The following MAN2A1 variants were observed in gnomAD, a reference collection of about 807,000 sequenced individuals.
The protein encoded by MAN2A1 is alpha-mannosidase 2.
MAN2A1 carries 76 observed loss-of-function variants against 142.6 expected under a neutral mutation model. The ratio of observed to expected loss-of-function variants is 0.53; its 90% CI spans 0.44 to 0.65. MAN2A1 has a LOEUF of 0.65. Among genes scored for constraint, MAN2A1 ranks in the 30% least tolerant of loss-of-function variants. The probability of loss-of-function intolerance (pLI) is 0.00; values close to 1 mark genes in which losing one functional copy is unlikely to be tolerated. For missense variants in MAN2A1, 1,311 were observed against 1,365.1 expected (o/e 0.96, Z 0.62); for synonymous variants, 559 against 473.2 (o/e 1.18, Z -2.35).
At chr5:109,840,117 A>C (rs1561538327) in intron 16 of MAN2A1, 1 of 185,392 alleles carries the variant, frequency 5.4e-6, no homozygotes, top group Non-Finnish European at 1.1e-5. Flanking sequence ...TTGAACAAGT[A>C]GCCAGAAATC....
chr5:109,773,950 T>C lies in MAN2A1; in HGVS notation c.1197-838T>C, dbSNP rs574626774. Among the ~76,000 whole-genome samples the C allele has an allele frequency of 2.0e-5, 3 of 152,330 alleles. No individual in the cohort carries two copies. The South Asian group carries it at 6.2e-4, about 32-fold the overall frequency. ...ACTGCTTTGGGTTCATCCACTTGTA[T>C]AATTTCATTTTCACAAGCCCTTTGT... is the stretch of plus-strand genomic sequence containing the variant. On this transcript the variant is annotated intron_variant, in intron 7 of 21. Coordinates refer to ENST00000261483, the MANE Select transcript of MAN2A1 (RefSeq NM_002372.4).
At chr5:109,819,928 AT>A in intron 14 of MAN2A1, 41 bp downstream of exon 14, 1 of 1,368,484 alleles carries the variant, frequency 7.3e-7, no homozygotes, top group Non-Finnish European at 1.0e-6. Flanking sequence ...AATGCTTATC[AT>A]TTTTGCTACA....
chr5:109,752,898 A>G (rs541122792), intron 4 of MAN2A1, among the ~76,000 whole-genome samples: 227 of 152,304 alleles, frequency 1.5e-3, no homozygotes, highest in Admixed American at 2.7e-3. Flanking sequence ...GTTACTGTAT[A>G]TACTGTAATT....
intron 4 of MAN2A1, among the ~76,000 whole-genome samples, chr5:109,743,441 C>G (rs1328037537): frequency 6.6e-6 from 1 of 152,184 alleles, no homozygotes; most frequent in Non-Finnish European, 1.5e-5. Flanking sequence ...CATCTTCATT[C>G]TCCTGTTGAG....
Position 109,729,519 on chromosome 5 carries a change from T to G in MAN2A1, c.707+6T>G. 1 of 1,441,468 alleles carries G rather than the reference T, an allele frequency of 6.9e-7. No homozygotes were observed. 89.3% of individuals were successfully genotyped at this position (1,441,468 alleles called of 1,614,324 possible). ...AAGAAGGATGCTGTTAAAAGGTTTG[T>G]TTTAAAACTTTTTTGGAATTTGGTA... is the stretch of plus-strand genomic sequence containing the variant. On this transcript the variant is annotated splice_donor_region_variant and intron_variant, in intron 4 of 21. Transcript: ENST00000261483.
rs1236717531 is a variant in MAN2A1 at position 109,772,736 on chromosome 5, C to G, written c.1197-2052C>G. 3.3e-5 allele frequency among the ~76,000 whole-genome samples: 5 copies of G among 152,068 alleles called. No individual in the cohort carries two copies. The South Asian group carries it at 8.3e-4, about 25-fold the overall frequency. The stretch of plus-strand genomic sequence containing the variant: ...TGTTGCCCAGGATGGTCTTGAACTC[C>G]TGGGGTCAAATGATCCTCCTGCCTC... On this transcript the variant is annotated intron_variant, in intron 7 of 21. Transcript: ENST00000261483.
chr5:109,857,295 A>G (rs1343856459), intron 20 of MAN2A1, among the ~76,000 whole-genome samples: 4 of 152,218 alleles, frequency 2.6e-5, no homozygotes, highest in Non-Finnish European at 1.5e-5. Context: ...AATTGTGTAG[A>G]TGTTTTTTCT....
chr5:109,736,590 A>G (rs1485931680), intron 4 of MAN2A1, among the ~76,000 whole-genome samples: 2 of 152,168 alleles, frequency 1.3e-5, no homozygotes, highest in Admixed American at 1.3e-4. Flanking sequence ...CGTATTTTCT[A>G]AGAAAATAAT....
At chr5:109,739,724 A>T (rs1298090111) in intron 4 of MAN2A1, among the ~76,000 whole-genome samples, 3 of 152,118 alleles carry the variant, frequency 2.0e-5, no homozygotes, top group Non-Finnish European at 4.4e-5. Context: ...ATATACTTTC[A>T]GTTTCCTTGC....
intron 16 of MAN2A1, chr5:109,840,459 C>T (rs1755172346): frequency 2.1e-6 from 1 of 478,466 alleles, no homozygotes; most frequent in Non-Finnish European, 4.2e-6. Context: ...TTGCTGCAAC[C>T]ACTGAAGTCA....
At chr5:109,847,349 A>C (rs1008906205) in intron 18 of MAN2A1, among the ~76,000 whole-genome samples, 9 of 152,180 alleles carry the variant, frequency 5.9e-5, no homozygotes, top group African/African-American at 1.9e-4. Context: ...TCTTTAGGTT[A>C]ATGTTTTGGA....
At chr5:109,780,574 C>T (rs1008156540) in intron 8 of MAN2A1, among the ~76,000 whole-genome samples, 14 of 151,108 alleles carry the variant, frequency 9.3e-5, no homozygotes, top group African/African-American at 2.2e-4. Flanking sequence ...CAACAAAATC[C>T]GCATCTTTCT....
At chr5:109,772,121 G>C (rs1277196293) in intron 7 of MAN2A1, among the ~76,000 whole-genome samples, 2 of 152,116 alleles carry the variant, frequency 1.3e-5, no homozygotes, top group Non-Finnish European at 1.5e-5. Context: ...TTGGCCGGGC[G>C]CAGTGGCCCA....
intron 16 of MAN2A1, among the ~76,000 whole-genome samples, chr5:109,834,973 G>GT (rs202179654): frequency 2.5e-4 from 38 of 149,284 alleles, no homozygotes; most frequent in Admixed American, 5.4e-4. Context: ...TATAAGTACA[G>GT]TTTTTTTTTT....
At position 109,767,557 on chromosome 5, in the gene MAN2A1, G is replaced by C; in HGVS notation, c.858G>C (p.Trp286Cys). 1 of 1,612,812 alleles carries C rather than the reference G, an allele frequency of 6.2e-7. No homozygotes were observed. The highest frequency in any genetic ancestry group is 8.5e-7 in the Non-Finnish European group (1 of 1,179,434). ...CAGGAGTGAAACCTCGGTCCGGCTGGGCTATTGATCCCTTTGGACACTCAC... is the reference window on the plus strand; with the variant it reads ...CAGGAGTGAAACCTCGGTCCGGCTGCGCTATTGATCCCTTTGGACACTCAC... Reference protein sequence around the residue: ...NNIGVKPRSGWAIDPFGHSPT... With the variant: ...NNIGVKPRSGCAIDPFGHSPT... The change falls in exon 6 of 22, where the codon TGG becomes TGC. Residue 286 changes from tryptophan (W) to cysteine (C), a missense_variant. Coordinates refer to ENST00000261483, the MANE Select transcript of MAN2A1 (RefSeq NM_002372.4).
At chr5:109,744,787 G>A (rs1752355735) in intron 4 of MAN2A1, among the ~76,000 whole-genome samples, 1 of 152,042 alleles carries the variant, frequency 6.6e-6, no homozygotes, top group Non-Finnish European at 1.5e-5. Flanking sequence ...ATGAAAAAAT[G>A]TTCACAAAAA....
chr5:109,861,493 C>G (rs1755758850), intron 20 of MAN2A1, among the ~76,000 whole-genome samples: 1 of 152,180 alleles, frequency 6.6e-6, no homozygotes, highest in Non-Finnish European at 1.5e-5. Flanking sequence ...GTTAATAATT[C>G]CTCAGATATT....
chr5:109,838,937 G>T lies in MAN2A1; in HGVS notation c.2567-3391G>T, dbSNP rs576646321. 8.9e-4 allele frequency among the ~76,000 whole-genome samples: 135 copies of T among 152,160 alleles called. 1 individual carries two copies. The highest frequency in any genetic ancestry group is 3.2e-3 in the African/African-American group (133 of 41,532). ...AGTGTGAAATTATCATTTTTTCCTTGAAGCATGTTCTTTTATAAATGCTTT... is the reference window on the plus strand; with the variant it reads ...AGTGTGAAATTATCATTTTTTCCTTTAAGCATGTTCTTTTATAAATGCTTT... On this transcript the variant is annotated intron_variant, in intron 16 of 21. Transcript: ENST00000261483.
In MAN2A1 at chr5:109,752,181, G is replaced by A. The variant is rs572152136; in HGVS notation, c.708-3148G>A. 7.2e-5 allele frequency among the ~76,000 whole-genome samples: 11 copies of A among 152,040 alleles called. No homozygotes were observed. The South Asian group carries it at 2.3e-3, about 32-fold the overall frequency. On this transcript the variant is annotated intron_variant, in intron 4 of 21. Coordinates refer to ENST00000261483, the MANE Select transcript of MAN2A1 (RefSeq NM_002372.4). ...TACCATTGATACTTTTTCATGTGATGTCTCCCGTCTTCCTCCTCCTCCATA... is the reference window on the plus strand; with the variant it reads ...TACCATTGATACTTTTTCATGTGATATCTCCCGTCTTCCTCCTCCTCCATA...
Sources: gnomAD v4.1 joint callset for allele counts (sites outside exome capture counted in the v4.1 genomes callset) on GRCh38, gnomAD v4.1.1 for gene constraint, MANE v1.5 for transcripts, NCBI Gene and HGNC (gene_info 2026-07-23, HGNC 2026-07-21) for gene names.